The following GCDH variants were observed in gnomAD, a reference collection of about 807,000 sequenced individuals.
GCDH encodes glutaryl-CoA dehydrogenase, mitochondrial.
GCDH carries 31 observed loss-of-function variants against 52.8 expected under a neutral mutation model. The ratio of observed to expected loss-of-function variants is 0.59; its 90% CI spans 0.44 to 0.79. The LOEUF (loss-of-function observed/expected upper bound fraction) is 0.79. Among genes scored for constraint, GCDH ranks in the 30% least tolerant of loss-of-function variants. The pLI is 0.00. For missense variants in GCDH, 509 were observed against 595.0 expected, an observed-to-expected ratio of 0.86 and a Z score of 1.50; for synonymous variants, 242 against 250.0, an observed-to-expected ratio of 0.97 and a Z score of 0.30.
Position 12,899,893 on chromosome 19 carries a change from T to G in GCDH, c.*352T>G. ...GAGTTCACAGTGCGCCCTCCCTCCC[T>G]CCCATCTGGGGGTAGTGCCTTATGC... On this transcript the variant is annotated 3_prime_UTR_variant, in exon 12 of 12. Transcript: ENST00000222214. The G allele has an allele frequency of 1.1e-6, 1 of 920,012 alleles. No homozygotes were observed. The highest frequency in any genetic ancestry group is 1.7e-6 in the Non-Finnish European group (1 of 605,732). The allele number at this position is 920,012 out of a possible 1,614,324, so 57.0% of individuals were successfully genotyped here. A position where few individuals can be genotyped will look rare whatever the true frequency, so the allele number is the denominator to read the frequency against.
In GCDH at chr19:12,897,875, A is replaced by G. The variant is rs1308768152; in HGVS notation, c.1243+12A>G. On this transcript the variant is annotated intron_variant, in intron 11 of 11. Coordinates refer to ENST00000222214, the MANE Select transcript of GCDH (RefSeq NM_000159.4). ...GAACACCTACGAAGGTAGGAGCTGG[A>G]CCTCAGAGGGCTCACTGAGGCCTCA... 6.2e-7 allele frequency: 1 copy of G among 1,612,000 alleles called. No homozygotes were observed. The highest frequency in any genetic ancestry group is 1.3e-5 in the African/African-American group (1 of 74,802).
At position 12,895,996 on chromosome 19, in the gene GCDH, G is replaced by T. The variant is rs200785120; in HGVS notation, c.510G>T (p.Lys170Asn). The change falls in exon 7 of 12, where the codon AAG becomes AAT. Residue 170 changes from lysine to asparagine, a missense_variant. Lys to Asn is a moderately conservative substitution (Grantham distance 94). Coordinates refer to ENST00000222214, the MANE Select transcript of GCDH (RefSeq NM_000159.4). ...QRQKYLPQLA[K>N]GELLGCFGLT... is the part of the protein sequence containing the mutation. ...GACTTTGTCTTGTGCCTGCAGCCAA[G>T]GGGGAGCTCCTGGGCTGCTTCGGGC... 8 of 1,613,990 alleles carry T rather than the reference G, an allele frequency of 5.0e-6. No individual in the cohort carries two copies. The South Asian group carries it at 7.7e-5, about 16-fold the overall frequency.
chr19:12,898,274 G>A (rs942226812), intron 11 of GCDH: 3 of 283,692 alleles, frequency 1.1e-5, no homozygotes, highest in East Asian at 8.9e-5. Flanking sequence ...TTCAGATGAC[G>A]GTGTTTGCAC....
At chr19:12,899,106 T>TG (rs1170355801) in intron 11 of GCDH, 2 of 552,394 alleles carry the variant, frequency 3.6e-6, no homozygotes, top group Non-Finnish European at 6.3e-6. Flanking sequence ...TAATAAACTG[T>TG]GGGGCTGGGG....
At position 12,896,055 on chromosome 19, in the gene GCDH, G is replaced by A. The variant is rs1322792894; in HGVS notation, c.569G>A (p.Ser190Asn). The A allele has an allele frequency of 1.2e-6, 2 of 1,614,130 alleles. No individual in the cohort carries two copies. Among genetic ancestry groups the A allele is most frequent in the Non-Finnish European group, 8.5e-7 (1 of 1,179,998 alleles). ...TEPNSGSDPS[S>N]METRAHYNSS... ...CCCAACAGCGGAAGTGACCCCAGCA[G>A]CATGGAGACCAGAGCCCACTACAAC... Residue 190 changes from serine to asparagine, a missense_variant, in exon 7 of 12, where the codon AGC (serine) becomes AAC (asparagine). Transcript: ENST00000222214. This position sits in a 1 kb window ranked among gnomAD's most constrained non-coding sequence, Gnocchi z 5.5.
Position 12,897,067 on chromosome 19 carries a change from ACTCT to A in GCDH, c.956+57_956+60del, listed in dbSNP as rs1425471553. ...GGGGGTGTGGGGCAGCTTGGGTTTC[ACTCT>A]CTATACCATGGGTGACTCCCCAGCC... On this transcript the variant is annotated intron_variant, in intron 9 of 11. Coordinates refer to ENST00000222214, the MANE Select transcript of GCDH (RefSeq NM_000159.4). 38 of 1,427,872 alleles carry A rather than the reference ACTCT, an allele frequency of 2.7e-5. 1 individual carries two copies. Among genetic ancestry groups the A allele is most frequent in the Admixed American group, 8.6e-5 (5 of 57,840 alleles). 88.5% of individuals were successfully genotyped at this position (1,427,872 alleles called of 1,614,324 possible).
rs1240547310 is a variant in GCDH, at chr19:12,896,929, A to G, written c.872A>G (p.Asn291Ser). Residue 291 changes from asparagine to serine, a missense_variant, in exon 9 of 12, where the codon AAC becomes AGC. Physicochemically the swap from Asn to Ser is conservative, Grantham distance 46. Coordinates refer to ENST00000222214, the MANE Select transcript of GCDH (RefSeq NM_000159.4). This position sits in a 1 kb window ranked among gnomAD's most constrained non-coding sequence, Gnocchi z 5.5. ...SSLGGPFGCL[N>S]NARYGIAWGV... ...CTACAGGGTCCCTTCGGCTGCCTGA[A>G]CAACGCCCGGTACGGCATCGCGTGG... The G allele has an allele frequency of 6.2e-7, 1 of 1,613,358 alleles. No homozygotes were observed. The highest frequency in any genetic ancestry group is 1.3e-5 in the African/African-American group (1 of 75,044).
intron 5 of GCDH, 73 bp from the exon 6 acceptor site, chr19:12,893,410 C>T (rs980093659): frequency 3.7e-6 from 5 of 1,337,022 alleles, no homozygotes; most frequent in South Asian, 1.2e-5. Flanking sequence ...CCTTATTCAG[C>T]CCTGTCTCTT....
intron 5 of GCDH, chr19:12,892,501 A>G: frequency 2.4e-6 from 1 of 408,604 alleles, no homozygotes; most frequent in South Asian, 2.3e-5. Context: ...TGTGTTGGCC[A>G]GGCTGGTCTC....
intron 6 of GCDH, 98 bp downstream of exon 6, chr19:12,893,751 T>G (rs1970613236): frequency 8.5e-7 from 1 of 1,172,446 alleles, no homozygotes; most frequent in South Asian, 1.2e-5. Context: ...TGTCCCTATC[T>G]CAAAGATAGC....
At position 12,896,641 on chromosome 19, in the gene GCDH, A is replaced by G. The variant is rs371170088; in HGVS notation, c.852+220A>G. Among the ~76,000 whole-genome samples, 11 of 152,300 alleles carry G rather than the reference A, an allele frequency of 7.2e-5. No individual in the cohort carries two copies. The East Asian group carries it at 2.1e-3, about 29-fold the overall frequency. ...GGGACACATGGGCCTGAACCAGCTC[A>G]GTCATTTGACTCACAGTGCATCTTC... On this transcript the variant is annotated intron_variant, in intron 8 of 11. Coordinates refer to ENST00000222214, the MANE Select transcript of GCDH (RefSeq NM_000159.4). This position sits in a 1 kb window ranked among gnomAD's most constrained non-coding sequence, Gnocchi z 5.5.
At chr19:12,894,222 G>A (rs1970621345) in intron 6 of GCDH, 4 of 1,305,902 alleles carry the variant, frequency 3.1e-6, no homozygotes, top group South Asian at 1.2e-5. Context: ...TTTATGAGAA[G>A]CGTATGGCCA....
chr19:12,897,628 C>G (rs1208682961), intron 10 of GCDH, 75 bp from the exon 11 acceptor site: 2 of 1,575,546 alleles, frequency 1.3e-6, no homozygotes, highest in African/African-American at 2.7e-5. Flanking sequence ...GGAATCCCCA[C>G]CCCGGGCTAG....
Position 12,896,729 on chromosome 19 carries a change from G to T in GCDH, c.853-181G>T, listed in dbSNP as rs2145952377. ...CAGATGCCAGGCTGGGTGGGACTGT[G>T]TGCAAACCGAGTGAGCAGGCACCGA... On this transcript the variant is annotated intron_variant, in intron 8 of 11. Transcript: ENST00000222214. This position sits in a 1 kb window ranked among gnomAD's most constrained non-coding sequence, Gnocchi z 5.5. 6.6e-6 allele frequency among the ~76,000 whole-genome samples: 1 copy of T among 152,336 alleles called. No homozygotes were observed. The highest frequency in any genetic ancestry group is 3.4e-3 in the Middle Eastern group (1 of 294).
chr19:12,892,454 G>C (rs928182213), intron 5 of GCDH: 11 of 532,352 alleles, frequency 2.1e-5, no homozygotes, highest in African/African-American at 1.9e-4. Flanking sequence ...ACCATGCCTG[G>C]CTAATTTTTG....
chr19:12,891,869 C>T lies in GCDH; in HGVS notation c.166C>T (p.Leu56=). Residue 56 remains leucine (L), a synonymous_variant, in exon 4 of 12, where the codon CTG becomes TTG. Transcript: ENST00000222214. Reference sequence around the variant, plus strand: ...GTTTGACTGGCAGGACCCGCTGGTGCTGGAGGAGCAGCTGACCACAGATGA... The same window carrying T: ...GTTTGACTGGCAGGACCCGCTGGTGTTGGAGGAGCAGCTGACCACAGATGA... ...PEFDWQDPLV[L]EEQLTTDEIL... 1 of 1,614,078 alleles carries T rather than the reference C, an allele frequency of 6.2e-7. No individual in the cohort carries two copies. The highest frequency in any genetic ancestry group is 8.5e-7 in the Non-Finnish European group (1 of 1,180,008).
chr19:12,892,737 C>A (rs997828139), intron 5 of GCDH, among the ~76,000 whole-genome samples: 6 of 151,940 alleles, frequency 3.9e-5, no homozygotes, highest in Admixed American at 2.0e-4. Context: ...CGTCCGCCAC[C>A]ACGCCTGGCT....
At chr19:12,891,777 AAGG>A in intron 3 of GCDH, 51 bp from the exon 4 acceptor site, 3 of 1,611,456 alleles carry the variant, frequency 1.9e-6, no homozygotes, top group Non-Finnish European at 2.5e-6. Flanking sequence ...AGGGTCCGAG[AAGG>A]GAGGGCACAG....
chr19:12,893,529 C>A lies in GCDH; in HGVS notation c.381C>A (p.Ala127=). 1 of 1,614,032 alleles carries A rather than the reference C, an allele frequency of 6.2e-7. No homozygotes were observed. The change falls in exon 6 of 12, where the codon GCC becomes GCA. Residue 127 remains alanine, a synonymous_variant. Transcript: ENST00000222214. ...GVSSVAYGLL[A]RELERVDSGY... ...CGTCTGTGGCCTATGGGCTCCTGGC[C>A]CGAGAGCTGGAGCGGGTGGACAGTG...
Sources: allele counts gnomAD v4.1 joint callset (sites outside exome capture counted in the v4.1 genomes callset), GRCh38; gene constraint gnomAD v4.1.1; non-coding constraint Gnocchi (gnomAD v3.1); transcripts MANE v1.5; gene names NCBI Gene and HGNC (gene_info 2026-07-23, HGNC 2026-07-21).